The following GRID1 variants were observed in gnomAD, a reference collection of about 807,000 sequenced individuals.
GRID1 encodes the protein glutamate ionotropic receptor delta type subunit 1, also known as glutamate receptor ionotropic, delta-1.
In GRID1, 28 loss-of-function variants were observed where a neutral mutation model predicts 98.0. The observed-to-expected ratio is 0.29, with a 90% confidence interval of 0.21 to 0.39. The LOEUF is 0.39. Among genes scored for constraint, GRID1 ranks in the 10% least tolerant of loss-of-function variants. The pLI, the probability that GRID1 is intolerant of heterozygous loss-of-function variation, is 1.00. For synonymous variants in GRID1, 553 were observed against 538.5 expected, an observed-to-expected ratio of 1.03 and a Z score of -0.37; for missense variants, 1,111 against 1,340.5, an observed-to-expected ratio of 0.83 and a Z score of 2.67.
intron 2 of GRID1, among the ~76,000 whole-genome samples, chr10:86,234,651 A>C (rs1846507748): frequency 6.6e-6 from 1 of 152,228 alleles, no homozygotes; most frequent in Admixed American, 6.5e-5. Flanking sequence ...GTAAATCTTT[A>C]ATTTCACTTG....
intron 2 of GRID1, among the ~76,000 whole-genome samples, chr10:86,290,653 AAAAAT>A (rs55827038): frequency 0.12 from 18,585 of 149,574 alleles, 2,797 homozygotes; most frequent in African/African-American, 0.37. Context: ...ACTCTGTCTC[AAAAAT>A]AAAATAAAAT....
chr10:86,257,103 G>A (rs1158863056), intron 2 of GRID1, among the ~76,000 whole-genome samples: 1 of 152,186 alleles, frequency 6.6e-6, no homozygotes, highest in Non-Finnish European at 1.5e-5. Context: ...TACGTGATCT[G>A]TTTCTTCCCA....
intron 8 of GRID1, among the ~76,000 whole-genome samples, chr10:85,792,429 T>C (rs78085924): frequency 0.033 from 5,026 of 152,266 alleles, 126 homozygotes; most frequent in Non-Finnish European, 0.047. Context: ...TTTAAAATGA[T>C]TTTCACTCTT....
intron 2 of GRID1, among the ~76,000 whole-genome samples, chr10:86,215,036 T>C (rs1027743725): frequency 6.6e-6 from 1 of 152,182 alleles, no homozygotes; most frequent in African/African-American, 2.4e-5. Flanking sequence ...GCCAGTTCCT[T>C]AAAGCCAACA....
chr10:86,051,508 A>G (rs1433735576), intron 4 of GRID1, among the ~76,000 whole-genome samples: 2 of 151,026 alleles, frequency 1.3e-5, no homozygotes, highest in East Asian at 3.8e-4. Context: ...TGTTTCATGA[A>G]GGGAAAAGGC....
rs144516193 is a variant in GRID1 at position 85,619,303 on chromosome 10, C to T, written c.2360+564G>A. Among the ~76,000 whole-genome samples the T allele has an allele frequency of 5.8e-3, 880 of 152,336 alleles. 8 individuals carry two copies. The highest frequency in any genetic ancestry group is 0.019 in the African/African-American group (776 of 41,578). ...ATCTCCTTGGACCAGGAAAGTTCTG[C>T]CCTACAATCAGAGGCCCCATACAGC... On this transcript the variant is annotated intron_variant, in intron 14 of 15. Coordinates refer to ENST00000327946, the MANE Select transcript of GRID1 (RefSeq NM_017551.3).
intron 2 of GRID1, among the ~76,000 whole-genome samples, chr10:86,209,817 C>T (rs935153123): frequency 6.6e-6 from 1 of 152,184 alleles, no homozygotes; most frequent in Non-Finnish European, 1.5e-5. Flanking sequence ...TGTTGCCCCA[C>T]CTGCCTGGCT....
intron 5 of GRID1, among the ~76,000 whole-genome samples, chr10:85,906,784 A>G (rs1045519453): frequency 6.6e-6 from 1 of 152,212 alleles, no homozygotes; most frequent in Non-Finnish European, 1.5e-5. Context: ...CAGGTCTTAA[A>G]TCAATGATCT....
At chr10:86,210,620 G>A (rs1411663755) in intron 2 of GRID1, among the ~76,000 whole-genome samples, 1 of 152,174 alleles carries the variant, frequency 6.6e-6, no homozygotes, top group Non-Finnish European at 1.5e-5. Flanking sequence ...GGTGAGCACT[G>A]CCGGCCCACC....
At chr10:85,722,686 T>A (rs1813545270) in intron 12 of GRID1, among the ~76,000 whole-genome samples, 1 of 152,330 alleles carries the variant, frequency 6.6e-6, no homozygotes, top group African/African-American at 2.4e-5. Context: ...TAAATATTTA[T>A]AAAATTTTGA....
At chr10:86,221,675 G>A (rs1226890756) in intron 2 of GRID1, among the ~76,000 whole-genome samples, 2 of 152,222 alleles carry the variant, frequency 1.3e-5, no homozygotes, top group East Asian at 1.9e-4. Flanking sequence ...GGAATGGCCC[G>A]CTCACACTGG....
At chr10:86,352,748 C>T (rs1848480282) in intron 2 of GRID1, among the ~76,000 whole-genome samples, 1 of 152,220 alleles carries the variant, frequency 6.6e-6, no homozygotes, top group African/African-American at 2.4e-5. Flanking sequence ...TTCCCCCAGT[C>T]TGGCCTTGGT....
At chr10:85,889,340 C>T (rs1033573847) in intron 5 of GRID1, among the ~76,000 whole-genome samples, 1 of 152,142 alleles carries the variant, frequency 6.6e-6, no homozygotes, top group African/African-American at 2.4e-5. Context: ...CTCCCCTTAC[C>T]CCTCTCCTCC....
At chr10:86,187,886 G>A (rs960180409) in intron 3 of GRID1, among the ~76,000 whole-genome samples, 2 of 152,188 alleles carry the variant, frequency 1.3e-5, no homozygotes, top group African/African-American at 2.4e-5. Flanking sequence ...AGATGTCAGA[G>A]TCACAGGGAC....
At chr10:86,183,718 T>C (rs1161787716) in intron 3 of GRID1, among the ~76,000 whole-genome samples, 1 of 152,276 alleles carries the variant, frequency 6.6e-6, no homozygotes, top group Non-Finnish European at 1.5e-5. Flanking sequence ...AGTTTGGGGC[T>C]ATTATGAATT....
intron 2 of GRID1, among the ~76,000 whole-genome samples, chr10:86,304,946 C>T (rs1218625205): frequency 6.6e-6 from 1 of 151,862 alleles, no homozygotes; most frequent in Non-Finnish European, 1.5e-5. Flanking sequence ...TTTCATGGGC[C>T]AATTTTTCTA....
intron 13 of GRID1, among the ~76,000 whole-genome samples, chr10:85,636,711 TTAAGA>T (rs1441689087): frequency 2.6e-5 from 4 of 152,138 alleles, no homozygotes; most frequent in African/African-American, 9.7e-5. Context: ...TTTTTAAATC[TTAAGA>T]TAAATCACAA....
intron 12 of GRID1, among the ~76,000 whole-genome samples, chr10:85,677,713 G>A (rs1841160705): frequency 6.6e-6 from 1 of 152,184 alleles, no homozygotes; most frequent in African/African-American, 2.4e-5. Flanking sequence ...GGAGTCGTAA[G>A]TTTGACCGGA....
At chr10:86,015,125 C>T (rs1415807878) in intron 4 of GRID1, among the ~76,000 whole-genome samples, 4 of 152,174 alleles carry the variant, frequency 2.6e-5, no homozygotes, top group Admixed American at 2.6e-4. Flanking sequence ...ACCTATTCAT[C>T]CTGTTTATTG....
Sources: gnomAD v4.1 joint callset for allele counts (sites outside exome capture counted in the v4.1 genomes callset) on GRCh38, gnomAD v4.1.1 for gene constraint, MANE v1.5 for transcripts, NCBI Gene and HGNC (gene_info 2026-07-23, HGNC 2026-07-21) for gene names.